GLIPR1: variants seen among roughly 807,000 people sequenced by gnomAD.
GLIPR1 encodes the protein GLI pathogenesis related 1.
GLIPR1 carries 38 observed loss-of-function variants against 30.3 expected under a neutral mutation model. The ratio of observed to expected loss-of-function variants is 1.26; its 90% CI spans 0.97 to 1.65. GLIPR1 has a LOEUF of 1.65. Ranked by LOEUF, GLIPR1 falls within the 40% of genes most tolerant of loss-of-function variation. The pLI is 0.00. For synonymous variants in GLIPR1, 122 were observed against 110.6 expected, an observed-to-expected ratio of 1.10 and a Z score of -0.65; for missense variants, 285 against 326.5, an observed-to-expected ratio of 0.87 and a Z score of 0.98.
chr12:75,500,585 A>T lies in GLIPR1; in HGVS notation c.*1607A>T, dbSNP rs2046386329. On this transcript the variant is annotated 3_prime_UTR_variant, in exon 6 of 6. Coordinates refer to ENST00000266659, the MANE Select transcript of GLIPR1 (RefSeq NM_006851.3). ...TAACAAGATTTTGGTATATTTAACA[A>T]CATTTTGGTAATAAAGACAATAATT... is the stretch of plus-strand genomic sequence containing the variant. 6.6e-6 allele frequency: 1 copy of T among 152,070 alleles called. No homozygotes were observed. Among genetic ancestry groups the T allele is most frequent in the Non-Finnish European group, 1.5e-5 (1 of 67,966 alleles). The allele number at this position is 152,070 out of a possible 1,614,324, so 9.4% of individuals were successfully genotyped here.
In GLIPR1 at chr12:75,500,089, T is replaced by C; in HGVS notation, c.*1111T>C. The C allele has an allele frequency of 1.7e-6, 1 of 592,060 alleles. No individual in the cohort carries two copies. Among genetic ancestry groups the C allele is most frequent in the Non-Finnish European group, 2.7e-6 (1 of 365,760 alleles). 36.7% of individuals were successfully genotyped at this position (592,060 alleles called of 1,614,324 possible). On this transcript the variant is annotated 3_prime_UTR_variant, in exon 6 of 6. Transcript: ENST00000266659. ...TTATAATTGAATAATTGAAAGGTGATCACAGTATAAAATATAAAAACACTT... is the reference window on the plus strand; with the variant it reads ...TTATAATTGAATAATTGAAAGGTGACCACAGTATAAAATATAAAAACACTT...
At position 75,501,968 on chromosome 12, in the gene GLIPR1, A is replaced by C; in HGVS notation, c.*2990A>C. On this transcript the variant is annotated 3_prime_UTR_variant, in exon 6 of 6. Transcript: ENST00000266659. ...GCCGCTTCTTCTGATTTGCCTTCAA[A>C]AAGTATTCACCACTAGCCAATTCTT... 1 of 1,612,404 alleles carries C rather than the reference A, an allele frequency of 6.2e-7. No homozygotes were observed. The highest frequency in any genetic ancestry group is 8.5e-7 in the Non-Finnish European group (1 of 1,179,076).
rs895348564 is a variant in GLIPR1 at position 75,502,535 on chromosome 12, A to G, written c.*3557A>G. On this transcript the variant is annotated 3_prime_UTR_variant, in exon 6 of 6. Transcript: ENST00000266659. Reference sequence around the variant, plus strand: ...TATACAGCCAACATGTAAAATGTGTATAACTGACCTGTCTCCCACTTACAT... The same window carrying G: ...TATACAGCCAACATGTAAAATGTGTGTAACTGACCTGTCTCCCACTTACAT... 1.3e-5 allele frequency: 2 copies of G among 152,914 alleles called. No homozygotes were observed. Among genetic ancestry groups the G allele is most frequent in the African/African-American group, 4.8e-5 (2 of 41,418 alleles). The allele number at this position is 152,914 out of a possible 1,614,324, so 9.5% of individuals were successfully genotyped here. A position where few individuals can be genotyped will look rare whatever the true frequency, so the allele number is the denominator to read the frequency against.
rs2046388359 is a variant in GLIPR1, at chr12:75,500,773, T to C, written c.*1795T>C. The C allele has an allele frequency of 6.6e-6, 1 of 151,982 alleles. No individual in the cohort carries two copies. The allele number at this position is 151,982 out of a possible 1,614,324, so 9.4% of individuals were successfully genotyped here. On this transcript the variant is annotated 3_prime_UTR_variant, in exon 6 of 6. Transcript: ENST00000266659. ...AGAATCATAAGATAAAACATCAAAC[T>C]ACCCAGCAACCTGAGAAGCACAGAG...
chr12:75,485,259 T>G (rs1421829258), intron 2 of GLIPR1, among the ~76,000 whole-genome samples: 1 of 152,372 alleles, frequency 6.6e-6, no homozygotes, highest in East Asian at 1.9e-4. Context: ...TATTTCTTGA[T>G]GTATTCATTC....
chr12:75,483,661 C>T (rs1182069817), intron 2 of GLIPR1: 1 of 152,114 alleles, frequency 6.6e-6, no homozygotes, highest in Non-Finnish European at 1.5e-5. Flanking sequence ...GCCATGTGAG[C>T]AAGGAGGACA....
At chr12:75,485,676 A>G (rs916912139) in intron 2 of GLIPR1, among the ~76,000 whole-genome samples, 7 of 150,270 alleles carry the variant, frequency 4.7e-5, no homozygotes, top group Middle Eastern at 3.5e-3. Context: ...TCAGCCTCCC[A>G]AGTAGCTGGG....
intron 2 of GLIPR1, among the ~76,000 whole-genome samples, chr12:75,485,162 C>G (rs753472389): frequency 6.6e-6 from 1 of 152,146 alleles, no homozygotes; most frequent in Non-Finnish European, 1.5e-5. Flanking sequence ...AAAAATCGAG[C>G]TATTTGCAGA....
intron 2 of GLIPR1, among the ~76,000 whole-genome samples, chr12:75,489,506 TC>T (rs1262569074): frequency 6.6e-6 from 1 of 152,166 alleles, no homozygotes; most frequent in East Asian, 1.9e-4. Flanking sequence ...CTAATAGGCC[TC>T]TCAAAATCAA....
At chr12:75,485,093 T>G (rs1363756184) in intron 2 of GLIPR1, among the ~76,000 whole-genome samples, 1 of 152,240 alleles carries the variant, frequency 6.6e-6, no homozygotes, top group East Asian at 1.9e-4. Flanking sequence ...GTTAAATTCA[T>G]GCTGAACAGT....
chr12:75,496,499 T>C (rs1008924759), intron 4 of GLIPR1: 4 of 152,222 alleles, frequency 2.6e-5, no homozygotes, highest in African/African-American at 9.6e-5. Flanking sequence ...TTTGTGATTT[T>C]GAAATATTAG....
intron 2 of GLIPR1, 49 bp from the exon 3 acceptor site, chr12:75,490,357 A>G (rs1594058102): frequency 9.8e-7 from 1 of 1,018,126 alleles, no homozygotes; most frequent in Non-Finnish European, 1.6e-6. Context: ...ATCATACCCA[A>G]TGTTTATCTT....
In GLIPR1 at chr12:75,501,836, ATATATCAGTTAAATG is replaced by A. The variant is rs1260406065; in HGVS notation, c.*2862_*2876del. Reference sequence around the variant, plus strand: ...TTTAGCCTACATTAATAAATAAAAAATATATCAGTTAAATGTATTTATAGTTAAATAATTCAAGTA... The same window carrying A: ...TTTAGCCTACATTAATAAATAAAAAATATTTATAGTTAAATAATTCAAGTA... On this transcript the variant is annotated 3_prime_UTR_variant, in exon 6 of 6. Transcript: ENST00000266659. 1 of 1,576,608 alleles carries A rather than the reference ATATATCAGTTAAATG, an allele frequency of 6.3e-7. No homozygotes were observed. Among genetic ancestry groups the A allele is most frequent in the South Asian group, 1.1e-5 (1 of 88,342 alleles).
chr12:75,481,133 G>A (rs2242435), intron 1 of GLIPR1, 79 bp downstream of exon 1: 410,001 of 998,598 alleles, frequency 0.41, 86,349 homozygotes, highest in East Asian at 0.52. Flanking sequence ...TAATACCTTC[G>A]TAATACTGAA....
In GLIPR1 at chr12:75,481,830, G is replaced by C. The variant is rs1255178341; in HGVS notation, c.175-4G>C. 1.9e-6 allele frequency: 3 copies of C among 1,613,008 alleles called. No individual in the cohort carries two copies. The highest frequency in any genetic ancestry group is 2.7e-5 in the African/African-American group (2 of 74,768). ...CCCCTATTGTTTAATGTTTATTTTT[G>C]CAGACTTGGGACCCAGCACTAGCCC... On this transcript the variant is annotated splice_polypyrimidine_tract_variant and splice_region_variant and intron_variant, in intron 1 of 5. Coordinates refer to ENST00000266659, the MANE Select transcript of GLIPR1 (RefSeq NM_006851.3).
At chr12:75,493,013 G>A (rs1405105969) in intron 3 of GLIPR1, 1 of 152,202 alleles carries the variant, frequency 6.6e-6, no homozygotes, top group Non-Finnish European at 1.5e-5. Flanking sequence ...GTCTAGTGGA[G>A]AAAAGAACAG....
intron 3 of GLIPR1, chr12:75,494,409 A>G (rs1323389656): frequency 1.3e-5 from 2 of 152,188 alleles, no homozygotes; most frequent in Admixed American, 6.5e-5. Context: ...TAAATATCAG[A>G]TATTTTCATA....
intron 3 of GLIPR1, chr12:75,491,338 TAC>T (rs763508643): frequency 3.9e-5 from 6 of 152,212 alleles, no homozygotes; most frequent in African/African-American, 7.2e-5. Flanking sequence ...CCCAAAGTTC[TAC>T]AGTTAGTGAC....
intron 2 of GLIPR1, among the ~76,000 whole-genome samples, chr12:75,487,350 T>C (rs950541974): frequency 1.3e-5 from 2 of 152,176 alleles, no homozygotes; most frequent in African/African-American, 4.8e-5. Flanking sequence ...AATTAAGAAA[T>C]TTTAAAAATA....
Sources: gnomAD v4.1 joint callset for allele counts (sites outside exome capture counted in the v4.1 genomes callset) on GRCh38, gnomAD v4.1.1 for gene constraint, MANE v1.5 for transcripts, NCBI Gene and HGNC (gene_info 2026-07-23, HGNC 2026-07-21) for gene names.